Variants in TANC2 observed in about 807,000 individuals in gnomAD.
TANC2 encodes the protein protein TANC2.
Under a neutral mutation model 210.5 loss-of-function variants are expected in TANC2, and 26 were observed. That is an observed-to-expected ratio of 0.12 (90% CI 0.09 to 0.17). The LOEUF (loss-of-function observed/expected upper bound fraction) is 0.17. TANC2 is among the 10% of genes least tolerant of loss of function. TANC2 has a pLI of 1.00. For missense variants in TANC2, 2,129 were observed against 2,608.9 expected (o/e 0.82, Z 4.01); for synonymous variants, 931 against 967.1 (o/e 0.96, Z 0.69).
exon 26 of TANC2, chr17:63,415,613 C>T: frequency 6.2e-7 from 1 of 1,613,820 alleles, no homozygotes; most frequent in Non-Finnish European, 8.5e-7. Flanking sequence ...GACTTGAAAA[C>T]TTTCCGGGAA....
At chr17:63,143,890 C>T (rs1048525773) in intron 4 of TANC2, among the ~76,000 whole-genome samples, 1 of 152,096 alleles carries the variant, frequency 6.6e-6, no homozygotes, top group African/African-American at 2.4e-5. Flanking sequence ...CAGGGGCTCT[C>T]ACCTGTAATC....
chr17:62,971,351 A>G (rs781301999), intron 1 of TANC2, among the ~76,000 whole-genome samples: 7 of 152,158 alleles, frequency 4.6e-5, no homozygotes, highest in African/African-American at 7.2e-5. Flanking sequence ...TCTTTTCAAG[A>G]CAGGATCTCA....
In TANC2 at chr17:63,082,411, A is replaced by G. The variant is rs2036810985; in HGVS notation, c.139+8397A>G. ...TTCATATGAAGAGCAGTTGGTTTTA[A>G]TGTTTTTTTCCTAGTGAAAGTTTGA... On this transcript the variant is annotated intron_variant, in intron 3 of 27. Transcript: ENST00000689528. Among the ~76,000 whole-genome samples the G allele has an allele frequency of 2.0e-5, 3 of 152,204 alleles. No individual in the cohort carries two copies. In the South Asian group the frequency reaches 6.2e-4, roughly 32 times the overall value.
intron 1 of TANC2, among the ~76,000 whole-genome samples, chr17:62,997,708 A>G (rs755545609): frequency 6.6e-6 from 1 of 152,188 alleles, no homozygotes; most frequent in South Asian, 2.1e-4. Context: ...ACTATTTAAA[A>G]TATTTTCTTC....
chr17:63,312,065 TA>T (rs2045143719), intron 9 of TANC2, among the ~76,000 whole-genome samples: 1 of 152,214 alleles, frequency 6.6e-6, no homozygotes, highest in Admixed American at 6.5e-5. Flanking sequence ...TTGTATATTT[TA>T]AAAGAGTGAA....
At chr17:63,145,795 T>G (rs1479160533) in intron 4 of TANC2, among the ~76,000 whole-genome samples, 1 of 152,196 alleles carries the variant, frequency 6.6e-6, no homozygotes, top group African/African-American at 2.4e-5. Flanking sequence ...TTTAGACTAC[T>G]ATAGCTTTGT....
chr17:63,119,625 T>C (rs1418003895), intron 4 of TANC2, among the ~76,000 whole-genome samples: 4 of 152,246 alleles, frequency 2.6e-5, no homozygotes, highest in African/African-American at 9.6e-5. Flanking sequence ...GTGTACATTA[T>C]AAGTTAATGC....
intron 2 of TANC2, among the ~76,000 whole-genome samples, chr17:63,016,943 A>G (rs1267878807): frequency 6.6e-6 from 1 of 152,178 alleles, no homozygotes; most frequent in Non-Finnish European, 1.5e-5. Flanking sequence ...TGTTCTGGAT[A>G]TTAATCTCTT....
At chr17:63,291,320 C>G (rs1311650754) in intron 9 of TANC2, among the ~76,000 whole-genome samples, 4 of 152,190 alleles carry the variant, frequency 2.6e-5, no homozygotes, top group Non-Finnish European at 5.9e-5. Flanking sequence ...GGTTTGCATC[C>G]TTAACTGTCT....
At chr17:63,255,651 T>C (rs141904828) in intron 8 of TANC2, among the ~76,000 whole-genome samples, 2 of 152,264 alleles carry the variant, frequency 1.3e-5, no homozygotes, top group East Asian at 3.9e-4. Flanking sequence ...GTGGTATCAG[T>C]TGTAATGTCG....
intron 2 of TANC2, among the ~76,000 whole-genome samples, chr17:63,026,269 T>C (rs1228905195): frequency 6.6e-6 from 1 of 152,224 alleles, no homozygotes; most frequent in Non-Finnish European, 1.5e-5. Flanking sequence ...ACAAGTTTCA[T>C]GTAAGTCCAT....
intron 9 of TANC2, among the ~76,000 whole-genome samples, chr17:63,299,671 T>G (rs1159078315): frequency 6.6e-6 from 1 of 152,128 alleles, no homozygotes; most frequent in Admixed American, 6.6e-5. Context: ...CCTTGTAGAT[T>G]CTGGGTATTA....
rs562433605 is a variant in TANC2, at chr17:63,020,036, C to T, written c.67+10410C>T. 1.2e-3 allele frequency among the ~76,000 whole-genome samples: 187 copies of T among 152,340 alleles called. 1 individual carries two copies. The highest frequency in any genetic ancestry group is 4.3e-3 in the African/African-American group (180 of 41,590). On this transcript the variant is annotated intron_variant, in intron 2 of 27. Transcript: ENST00000689528. ...CCCCGTCCCGGGTTCAAGCGATTCT[C>T]CTGGCTCAGCCTCCCCAGTAGCTGG...
At chr17:63,197,645 GT>G (rs1291242761) in intron 6 of TANC2, 1 of 152,172 alleles carries the variant, frequency 6.6e-6, no homozygotes, top group Non-Finnish European at 1.5e-5. Context: ...TCTTTCAGTA[GT>G]TTCCAAGGTA....
intron 2 of TANC2, among the ~76,000 whole-genome samples, chr17:63,065,321 T>G (rs572125475): frequency 2.3e-4 from 35 of 152,318 alleles, no homozygotes; most frequent in South Asian, 2.1e-4. Flanking sequence ...AACACTTAGG[T>G]TGATTCCATA....
chr17:63,425,479 A>G (rs2049121089), exon 28 of TANC2: 1 of 152,222 alleles, frequency 6.6e-6, no homozygotes, highest in Non-Finnish European at 1.5e-5. Context: ...ATTAATCAGT[A>G]TCTAATTTAA....
chr17:63,188,998 A>G (rs920543986), intron 5 of TANC2, among the ~76,000 whole-genome samples: 1 of 152,014 alleles, frequency 6.6e-6, no homozygotes, highest in Non-Finnish European at 1.5e-5. Flanking sequence ...AGATTTGCCT[A>G]TTCCAGACAT....
At chr17:63,028,188 T>C (rs1010349697) in intron 2 of TANC2, among the ~76,000 whole-genome samples, 4 of 152,126 alleles carry the variant, frequency 2.6e-5, no homozygotes, top group African/African-American at 9.7e-5. Context: ...TCCTTTAATA[T>C]TAATTTTTAA....
intron 9 of TANC2, among the ~76,000 whole-genome samples, chr17:63,278,141 A>G (rs751669571): frequency 3.3e-5 from 5 of 152,184 alleles, no homozygotes; most frequent in Non-Finnish European, 7.4e-5. Flanking sequence ...GGCTGACAGA[A>G]TGAGGACCTG....
Sources: gnomAD v4.1 joint callset for allele counts (sites outside exome capture counted in the v4.1 genomes callset) on GRCh38, gnomAD v4.1.1 for gene constraint, MANE v1.5 for transcripts, NCBI Gene and HGNC (gene_info 2026-07-23, HGNC 2026-07-21) for gene names.